The following MTHFD2L variants were observed in gnomAD, a reference collection of about 807,000 sequenced individuals.
MTHFD2L encodes methylenetetrahydrofolate dehydrogenase (NADP+ dependent) 2 like, also known as bifunctional methylenetetrahydrofolate dehydrogenase/cyclohydrolase 2, mitochondrial.
Under a neutral mutation model 34.9 loss-of-function variants are expected in MTHFD2L, and 29 were observed. That is an observed-to-expected ratio of 0.83 (90% CI 0.62 to 1.13). The LOEUF is 1.13. Ranked by LOEUF, MTHFD2L falls within the 50% of genes most tolerant of loss-of-function variation. The pLI is 0.00. For synonymous variants in MTHFD2L, 167 were observed against 155.7 expected, an observed-to-expected ratio of 1.07 and a Z score of -0.54; for missense variants, 481 against 446.5, an observed-to-expected ratio of 1.08 and a Z score of -0.70.
intron 6 of MTHFD2L, chr4:74,268,176 T>A: frequency 2.0e-6 from 2 of 983,406 alleles, no homozygotes; most frequent in Non-Finnish European, 2.4e-6. Context: ...GAGAAGACAC[T>A]GAGGTTTTTG....
chr4:74,291,008 T>C (rs1419213916), intron 7 of MTHFD2L, among the ~76,000 whole-genome samples: 11 of 26,756 alleles, frequency 4.1e-4, no homozygotes, highest in Non-Finnish European at 6.3e-5. Flanking sequence ...CTTTTCTTTT[T>C]TTTTTTTTTT....
chr4:74,297,978 G>A (rs1236371968), intron 7 of MTHFD2L, among the ~76,000 whole-genome samples: 1 of 151,920 alleles, frequency 6.6e-6, no homozygotes, highest in Non-Finnish European at 1.5e-5. Context: ...TTACGTAAAT[G>A]GGCAAAGAAT....
chr4:74,270,222 A>G (rs1448139519), intron 6 of MTHFD2L, among the ~76,000 whole-genome samples: 1 of 151,928 alleles, frequency 6.6e-6, no homozygotes, highest in Non-Finnish European at 1.5e-5. Flanking sequence ...CACAACATGC[A>G]GGTTTGTTAC....
chr4:74,128,472 C>G (rs547428029), intron 1 of MTHFD2L, among the ~76,000 whole-genome samples: 1 of 152,038 alleles, frequency 6.6e-6, no homozygotes, highest in African/African-American at 2.4e-5. Flanking sequence ...ATGAAAGAGA[C>G]TGCCCTTCCC....
At chr4:74,187,287 C>A (rs973363525) in intron 3 of MTHFD2L, among the ~76,000 whole-genome samples, 1 of 151,982 alleles carries the variant, frequency 6.6e-6, no homozygotes, top group Admixed American at 6.6e-5. Context: ...AAACCCAAAC[C>A]GCTCCAGAAT....
intron 6 of MTHFD2L, among the ~76,000 whole-genome samples, chr4:74,231,854 T>C (rs900087575): frequency 3.9e-5 from 6 of 152,198 alleles, no homozygotes; most frequent in Non-Finnish European, 5.9e-5. Context: ...CTTTTACTTA[T>C]TGAAAGGCAT....
intron 1 of MTHFD2L, among the ~76,000 whole-genome samples, chr4:74,162,404 C>T (rs1725648298): frequency 6.6e-6 from 1 of 151,726 alleles, no homozygotes; most frequent in African/African-American, 2.4e-5. Flanking sequence ...TAATTAGGCT[C>T]ATTAGAGTGT....
chr4:74,261,869 G>A (rs950112678), intron 6 of MTHFD2L, among the ~76,000 whole-genome samples: 4 of 151,954 alleles, frequency 2.6e-5, no homozygotes, highest in Non-Finnish European at 5.9e-5. Context: ...TCCGAAGTAG[G>A]GATAATAACA....
At chr4:74,177,142 G>T (rs1011338003) in intron 3 of MTHFD2L, among the ~76,000 whole-genome samples, 3 of 151,808 alleles carry the variant, frequency 2.0e-5, no homozygotes, top group African/African-American at 7.3e-5. Flanking sequence ...TATAGTGATA[G>T]TATCACTTAC....
At chr4:74,146,286 G>A (rs1305139803) in intron 1 of MTHFD2L, among the ~76,000 whole-genome samples, 1 of 152,102 alleles carries the variant, frequency 6.6e-6, no homozygotes, top group African/African-American at 2.4e-5. Context: ...ACAAGATCTG[G>A]TGTGTTCAGG....
rs564356515 is a variant in MTHFD2L, at chr4:74,226,763, C to T, written c.805+1369C>T. Among the ~76,000 whole-genome samples, 6 of 152,262 alleles carry T rather than the reference C, an allele frequency of 3.9e-5. No homozygotes were observed. The South Asian group carries it at 1.2e-3, about 32-fold the overall frequency. On this transcript the variant is annotated intron_variant, in intron 6 of 7. Transcript: ENST00000325278. The stretch of plus-strand genomic sequence containing the variant: ...TTGGACCCTTCCTATGCAGCAGTAT[C>T]TGTTTTAAATTTTAGGAATACAGCA...
intron 5 of MTHFD2L, among the ~76,000 whole-genome samples, chr4:74,217,531 C>T (rs779515849): frequency 3.3e-5 from 5 of 151,604 alleles, no homozygotes; most frequent in South Asian, 2.1e-4. Context: ...TAAACCACAC[C>T]GTGACATGAA....
intron 7 of MTHFD2L, among the ~76,000 whole-genome samples, chr4:74,297,283 G>A (rs1378193202): frequency 6.6e-6 from 1 of 151,968 alleles, no homozygotes; most frequent in Non-Finnish European, 1.5e-5. Context: ...AATAAGATTT[G>A]GTGATTGTTT....
At chr4:74,233,050 T>TA (rs1560514095) in intron 6 of MTHFD2L, among the ~76,000 whole-genome samples, 2 of 152,060 alleles carry the variant, frequency 1.3e-5, no homozygotes, top group Non-Finnish European at 2.9e-5. Flanking sequence ...ACTTATATTC[T>TA]AAAAACAAAT....
At chr4:74,170,010 C>T (rs1490778067) in intron 1 of MTHFD2L, among the ~76,000 whole-genome samples, 2 of 151,946 alleles carry the variant, frequency 1.3e-5, no homozygotes, top group African/African-American at 4.8e-5. Context: ...GAAAGAAAAC[C>T]CCAGAATCAG....
At chr4:74,283,254 A>G (rs891168720) in intron 7 of MTHFD2L, among the ~76,000 whole-genome samples, 1 of 152,126 alleles carries the variant, frequency 6.6e-6, no homozygotes, top group African/African-American at 2.4e-5. Flanking sequence ...GTCTCATGTC[A>G]CTTCCATGCT....
At chr4:74,125,989 T>C (rs182598521) in intron 1 of MTHFD2L, among the ~76,000 whole-genome samples, 32 of 152,172 alleles carry the variant, frequency 2.1e-4, no homozygotes, top group Non-Finnish European at 4.4e-4. Context: ...TCTGCACCAC[T>C]TCAATGCTCA....
chr4:74,152,781 T>C (rs1320997782), intron 1 of MTHFD2L, among the ~76,000 whole-genome samples: 1 of 152,206 alleles, frequency 6.6e-6, no homozygotes, highest in African/African-American at 2.4e-5. Context: ...AGTGTTTGGT[T>C]TTCTGTTCCT....
Position 74,271,650 on chromosome 4 carries a change from C to T in MTHFD2L, c.806-9775C>T, listed in dbSNP as rs565440816. On this transcript the variant is annotated intron_variant, in intron 6 of 7. Coordinates refer to ENST00000325278, the MANE Select transcript of MTHFD2L (RefSeq NM_001144978.3). ...TTGGCTTAGGATTGTCTTGGCAGTG[C>T]GGGCTCTTTTTTGGTTCCATATGAA... is the stretch of plus-strand genomic sequence containing the variant. Among the ~76,000 whole-genome samples the T allele has an allele frequency of 1.6e-4, 24 of 152,212 alleles. No homozygotes were observed. In the South Asian group the frequency reaches 3.3e-3, roughly 21 times the overall value.
Sources: gnomAD v4.1 joint callset for allele counts (sites outside exome capture counted in the v4.1 genomes callset) on GRCh38, gnomAD v4.1.1 for gene constraint, MANE v1.5 for transcripts, NCBI Gene and HGNC (gene_info 2026-07-23, HGNC 2026-07-21) for gene names.